Variants in ATP13A5 observed in about 807,000 individuals in gnomAD.
ATP13A5 encodes ATPase 13A5.
A neutral mutation model predicts 150.2 loss-of-function variants in ATP13A5; 149 were observed. That is an observed-to-expected ratio of 0.99 (90% CI 0.87 to 1.14). ATP13A5 has a LOEUF of 1.14. Among genes scored for constraint, ATP13A5 ranks in the 50% most tolerant of loss-of-function variants. The pLI, the probability that ATP13A5 is intolerant of heterozygous loss-of-function variation, is 0.00. For synonymous variants in ATP13A5, 497 were observed against 522.2 expected (o/e 0.95, Z 0.66); for missense variants, 1,383 against 1,449.3 (o/e 0.95, Z 0.74).
intron 9 of ATP13A5, among the ~76,000 whole-genome samples, chr3:193,342,214 A>C (rs892657409): frequency 1.3e-5 from 2 of 152,240 alleles, no homozygotes; most frequent in African/African-American, 4.8e-5. Context: ...TTACATAAAT[A>C]AAGACTTCTA....
intron 15 of ATP13A5, 42 bp from the exon 16 acceptor site, chr3:193,321,879 G>A (rs1481864239): frequency 1.9e-6 from 3 of 1,600,600 alleles, no homozygotes; most frequent in East Asian, 2.2e-5. Context: ...AAGCTGCTAA[G>A]TGATATTTCC....
chr3:193,358,715 A>C (rs1282741480), intron 5 of ATP13A5, among the ~76,000 whole-genome samples: 1 of 152,184 alleles, frequency 6.6e-6, no homozygotes, highest in Non-Finnish European at 1.5e-5. Flanking sequence ...TTGGGCTCTT[A>C]GAGGACTTCA....
intron 5 of ATP13A5, among the ~76,000 whole-genome samples, chr3:193,359,079 AG>A (rs1712900939): frequency 8.2e-6 from 1 of 121,274 alleles, no homozygotes; most frequent in Non-Finnish European, 1.7e-5. Flanking sequence ...TTTTAAAGAA[AG>A]GATATATATA....
intron 12 of ATP13A5, among the ~76,000 whole-genome samples, chr3:193,328,593 CA>C (rs1182365067): frequency 6.6e-6 from 1 of 152,072 alleles, no homozygotes; most frequent in East Asian, 1.9e-4. Context: ...GACCCCTTAA[CA>C]ATAAAACTAA....
Position 193,289,868 on chromosome 3 carries a change from T to C in ATP13A5, c.3023+17A>G. On this transcript the variant is annotated intron_variant, in intron 26 of 29. Coordinates refer to ENST00000342358, the MANE Select transcript of ATP13A5 (RefSeq NM_198505.4). ...TTAAATTACCTTTCGAAAGCAGCAC[T>C]AAGAAAATGAACTTACCTGTATTGG... The C allele has an allele frequency of 6.4e-7, 1 of 1,562,554 alleles. No individual in the cohort carries two copies. The highest frequency in any genetic ancestry group is 8.7e-7 in the Non-Finnish European group (1 of 1,155,760).
intron 21 of ATP13A5, among the ~76,000 whole-genome samples, chr3:193,308,399 C>T (rs928401835): frequency 3.3e-5 from 5 of 152,112 alleles, no homozygotes; most frequent in African/African-American, 1.2e-4. Context: ...GCGGAGGCTG[C>T]GGTGAGCCGA....
At position 193,321,799 on chromosome 3, in the gene ATP13A5, T is replaced by C; in HGVS notation, c.1797A>G (p.Pro599=). 1.2e-6 allele frequency: 2 copies of C among 1,613,918 alleles called. No homozygotes were observed. Among genetic ancestry groups the C allele is most frequent in the East Asian group, 2.2e-5 (1 of 44,868 alleles). Residue 599 remains proline (P), a synonymous_variant, in exon 16 of 30, where the codon CCA becomes CCG. Transcript: ENST00000342358. ...VEAIITLCQF[P]FSSSLQRMSV... ...ACATCCTCTGCAGGCTCGAGGAAAA[T>C]GGAAACTGGCACAAGGTGATGATGG...
intron 7 of ATP13A5, among the ~76,000 whole-genome samples, chr3:193,346,998 G>C (rs1017028965): frequency 1.1e-4 from 17 of 152,226 alleles, no homozygotes; most frequent in African/African-American, 4.1e-4. Context: ...TAATCAGTCA[G>C]GTAATGTGAG....
rs775555234 is a variant in ATP13A5, at chr3:193,321,850, C to G, written c.1759-13G>C. ...CTTCCACTGGACTCTGCAAGCCCAT[C>G]AACAACAGGGAGCTTAACAAGCTGC... On this transcript the variant is annotated splice_polypyrimidine_tract_variant and intron_variant, in intron 15 of 29. Coordinates refer to ENST00000342358, the MANE Select transcript of ATP13A5 (RefSeq NM_198505.4). 1.6e-5 allele frequency: 26 copies of G among 1,611,880 alleles called. 2 individuals carry two copies. The South Asian group carries it at 2.6e-4, about 16-fold the overall frequency.
intron 12 of ATP13A5, among the ~76,000 whole-genome samples, chr3:193,327,819 C>A (rs1233696956): frequency 6.6e-6 from 1 of 152,144 alleles, no homozygotes; most frequent in Non-Finnish European, 1.5e-5. Flanking sequence ...CAGTTTTAGG[C>A]CTGCTTAACA....
Position 193,299,145 on chromosome 3 carries a change from A to G in ATP13A5, c.2834T>C (p.Met945Thr), listed in dbSNP as rs1333115709. Residue 945 changes from methionine to threonine, a missense_variant, in exon 25 of 30, where the codon ATG (methionine) becomes ACG (threonine). Physicochemically the swap from Met to Thr is moderately conservative, Grantham distance 81. Around this residue, in one of 3 missense-constraint regions of ATP13A5, gnomAD observed 568 missense variants for 621.5 expected, o/e 0.91. Transcript: ENST00000342358. ...AAAGAGCTTACTTGTTAAACAGACC[A>G]TCAAAGTAATGGCTACATCTTGCAT... The part of the protein sequence containing the change: ...YLMQDVAITL[M>T]VCLTMSSTHA... The G allele has an allele frequency of 6.2e-7, 1 of 1,608,102 alleles. No individual in the cohort carries two copies. The highest frequency in any genetic ancestry group is 2.2e-5 in the East Asian group (1 of 44,726).
intron 5 of ATP13A5, among the ~76,000 whole-genome samples, chr3:193,360,315 T>G (rs1020470047): frequency 2.0e-5 from 3 of 152,248 alleles, no homozygotes; most frequent in Non-Finnish European, 4.4e-5. Flanking sequence ...TCTACCCAGC[T>G]GCTAGGGAGC....
chr3:193,340,640 AC>A (rs1464736797), intron 9 of ATP13A5, among the ~76,000 whole-genome samples: 7 of 152,160 alleles, frequency 4.6e-5, no homozygotes, highest in Non-Finnish European at 8.8e-5. Flanking sequence ...AGTGCATGCC[AC>A]CCCTCTTCGC....
intron 25 of ATP13A5, among the ~76,000 whole-genome samples, chr3:193,290,721 CT>C (rs901735817): frequency 6.6e-6 from 1 of 151,932 alleles, no homozygotes; most frequent in Non-Finnish European, 1.5e-5. Flanking sequence ...GATTTCAGGG[CT>C]TTTTTAAATT....
intron 9 of ATP13A5, 98 bp downstream of exon 9, chr3:193,343,829 T>A (rs756888029): frequency 3.6e-6 from 5 of 1,407,194 alleles, no homozygotes; most frequent in Non-Finnish European, 4.7e-6. Flanking sequence ...CACCTATCTC[T>A]GAATATCTTA....
In ATP13A5 at chr3:193,331,248, G is replaced by A. The variant is rs1711618543; in HGVS notation, c.1336C>T (p.Leu446=). Reference sequence around the variant, plus strand: ...TTGCCTATGGTCAGGGCAGCTGGCAGCACTGGAGGGACAGTCACGGTGAGG... The same window carrying A: ...TTGCCTATGGTCAGGGCAGCTGGCAACACTGGAGGGACAGTCACGGTGAGG... ...ILLTVTVPPV[L]PAALTIGNVY... The change falls in exon 12 of 30, where the codon CTG becomes TTG. Residue 446 remains leucine (L), a synonymous_variant. Coordinates refer to ENST00000342358, the MANE Select transcript of ATP13A5 (RefSeq NM_198505.4). 8.1e-6 allele frequency: 13 copies of A among 1,614,084 alleles called. No individual in the cohort carries two copies. Among genetic ancestry groups the A allele is most frequent in the Non-Finnish European group, 1.0e-5 (12 of 1,179,966 alleles).
chr3:193,321,666 G>A lies in ATP13A5; in HGVS notation c.1915+15C>T. ...CAAAAGTATTTTACTTCTTGAAAGA[G>A]AAAAGTGTTAGTACCTGTTTCAGAT... On this transcript the variant is annotated intron_variant, in intron 16 of 29. Transcript: ENST00000342358. 1 of 1,612,026 alleles carries A rather than the reference G, an allele frequency of 6.2e-7. No individual in the cohort carries two copies. Among genetic ancestry groups the A allele is most frequent in the Non-Finnish European group, 8.5e-7 (1 of 1,178,740 alleles).
At chr3:193,372,461 AC>A (rs1446036077) in intron 1 of ATP13A5, among the ~76,000 whole-genome samples, 9 of 152,140 alleles carry the variant, frequency 5.9e-5, no homozygotes, top group South Asian at 2.1e-4. Flanking sequence ...AACAGTTCTT[AC>A]TTACGATATG....
At chr3:193,347,311 T>G (rs1712377975) in intron 7 of ATP13A5, among the ~76,000 whole-genome samples, 1 of 151,200 alleles carries the variant, frequency 6.6e-6, no homozygotes, top group South Asian at 2.1e-4. Flanking sequence ...AATAATTCTA[T>G]GATGAAAATG....
Sources: allele counts gnomAD v4.1 joint callset (sites outside exome capture counted in the v4.1 genomes callset), GRCh38; gene constraint gnomAD v4.1.1; regional missense constraint gnomAD v4.1.1; transcripts MANE v1.5; gene names NCBI Gene and HGNC (gene_info 2026-07-23, HGNC 2026-07-21).